The following GOLIM4 variants were observed in gnomAD, a reference collection of about 807,000 sequenced individuals.
The protein encoded by GOLIM4 is golgi integral membrane protein 4.
In GOLIM4, 71 loss-of-function variants were observed where a neutral mutation model predicts 107.4. The ratio of observed to expected loss-of-function variants is 0.66; its 90% CI spans 0.55 to 0.81. The LOEUF (loss-of-function observed/expected upper bound fraction) is 0.81, where lower values mean the gene tolerates loss of function less well. GOLIM4 is among the 30% of genes least tolerant of loss of function. The pLI, the probability that GOLIM4 is intolerant of heterozygous loss-of-function variation, is 0.00. For missense variants in GOLIM4, 830 were observed against 826.1 expected (o/e 1.00, Z -0.06); for synonymous variants, 327 against 294.8 (o/e 1.11, Z -1.12).
At chr3:168,077,187 T>A (rs1577570241) in intron 1 of GOLIM4, among the ~76,000 whole-genome samples, 1 of 152,246 alleles carries the variant, frequency 6.6e-6, no homozygotes, top group South Asian at 2.1e-4. Context: ...GAACTCATCA[T>A]GCCAAATTCT....
At chr3:168,011,286 G>A (rs945526098) in intron 14 of GOLIM4, among the ~76,000 whole-genome samples, 12 of 152,030 alleles carry the variant, frequency 7.9e-5, no homozygotes, top group African/African-American at 2.2e-4. Context: ...GGTGACGGAC[G>A]GCACCTGGAA....
At chr3:168,086,876 G>C (rs1721657589) in intron 1 of GOLIM4, among the ~76,000 whole-genome samples, 1 of 152,180 alleles carries the variant, frequency 6.6e-6, no homozygotes, top group South Asian at 2.1e-4. Context: ...TTCTCACAGA[G>C]AAGAGGGTCC....
chr3:168,068,175 A>G (rs1335570395), intron 1 of GOLIM4, among the ~76,000 whole-genome samples: 1 of 152,168 alleles, frequency 6.6e-6, no homozygotes, highest in Non-Finnish European at 1.5e-5. Context: ...CTACAGAATT[A>G]AAATAACTTT....
chr3:168,092,597 G>C (rs973164413), intron 1 of GOLIM4, among the ~76,000 whole-genome samples: 2 of 152,114 alleles, frequency 1.3e-5, no homozygotes, highest in South Asian at 4.1e-4. Context: ...TCTTTTTAAA[G>C]TCATTAATTC....
rs1470044252 is a variant in GOLIM4, at chr3:168,010,801, T to C, written c.1883A>G (p.Glu628Gly). 6.2e-7 allele frequency: 1 copy of C among 1,611,680 alleles called. No individual in the cohort carries two copies. The highest frequency in any genetic ancestry group is 1.7e-5 in the Admixed American group (1 of 60,002). The change falls in exon 15 of 16, where the codon GAG becomes GGG. Residue 628 changes from glutamate to glycine, a missense_variant. Transcript: ENST00000470487. ...EEEVQEDLTEEKKRELEHNAE... is the reference protein window; with the variant it reads ...EEEVQEDLTEGKKRELEHNAE... Reference sequence around the variant, plus strand: ...ATTATGCTCCAGTTCCCTTTTTTTCTCTTCAGTCAAATCTTCCTGAACCTA... The same window carrying C: ...ATTATGCTCCAGTTCCCTTTTTTTCCCTTCAGTCAAATCTTCCTGAACCTA...
chr3:168,036,694 C>T (rs1027765882), intron 8 of GOLIM4, 142 bp downstream of exon 8: 46 of 613,284 alleles, frequency 7.5e-5, no homozygotes, highest in East Asian at 1.0e-4. Flanking sequence ...TGTTTTATCA[C>T]GCCCTACTGG....
At position 168,040,846 on chromosome 3, in the gene GOLIM4, G is replaced by C; in HGVS notation, c.624C>G (p.Ser208=). 6.2e-7 allele frequency: 1 copy of C among 1,611,880 alleles called. No homozygotes were observed. Among genetic ancestry groups the C allele is most frequent in the Non-Finnish European group, 8.5e-7 (1 of 1,178,076 alleles). The change falls in exon 7 of 16, where the codon TCC becomes TCG. Residue 208 remains serine (S), a synonymous_variant. Transcript: ENST00000470487. The stretch of plus-strand genomic sequence containing the variant: ...AAGTCACTACAAGTTGTTCATGCTC[G>C]GAGAGTAAATTCTTATGCTGTTGCT... ...DVKQQHKNLL[S]EHEQLVVTLE... is the part of the protein sequence containing the mutation.
At position 168,079,671 on chromosome 3, in the gene GOLIM4, C is replaced by T. The variant is rs574027500; in HGVS notation, c.187+15428G>A. On this transcript the variant is annotated intron_variant, in intron 1 of 15. Transcript: ENST00000470487. ...TTGTTCAGGGTTTTAATCTTTTTAT[C>T]TTATCATTTAGATAACTAAAAATAC... 2.1e-3 allele frequency among the ~76,000 whole-genome samples: 316 copies of T among 152,032 alleles called. 2 individuals are homozygous for T. Among genetic ancestry groups the T allele is most frequent in the Non-Finnish European group, 3.6e-3 (245 of 67,972 alleles).
At chr3:168,058,808 C>CAT (rs1338963263) in intron 1 of GOLIM4, among the ~76,000 whole-genome samples, 4 of 152,010 alleles carry the variant, frequency 2.6e-5, no homozygotes, top group African/African-American at 9.7e-5. Context: ...AGTGTATATA[C>CAT]ATATATATTG....
intron 14 of GOLIM4, among the ~76,000 whole-genome samples, chr3:168,011,922 G>C (rs1717061339): frequency 1.4e-5 from 2 of 146,850 alleles, no homozygotes; most frequent in South Asian, 4.2e-4. Context: ...ACCAAAAGCA[G>C]ATAAAACCAC....
intron 14 of GOLIM4, among the ~76,000 whole-genome samples, chr3:168,022,905 T>C (rs1288534468): frequency 2.0e-5 from 3 of 152,152 alleles, no homozygotes; most frequent in African/African-American, 7.2e-5. Flanking sequence ...AGGGGATGAC[T>C]GGTGGGATGA....
intron 1 of GOLIM4, 54 bp downstream of exon 1, chr3:168,095,045 G>A: frequency 7.1e-7 from 1 of 1,415,566 alleles, no homozygotes; most frequent in South Asian, 1.2e-5. Flanking sequence ...TCCTGCCCGG[G>A]TGGAGGCGCG....
intron 14 of GOLIM4, 97 bp downstream of exon 14, chr3:168,024,429 T>C (rs1717882383): frequency 1.1e-6 from 1 of 927,302 alleles, no homozygotes; most frequent in Non-Finnish European, 1.8e-6. Context: ...AACATTTCTG[T>C]GGAAGGCATG....
intron 7 of GOLIM4, among the ~76,000 whole-genome samples, chr3:168,040,475 A>T (rs1326384729): frequency 2.0e-5 from 3 of 152,248 alleles, no homozygotes; most frequent in African/African-American, 7.2e-5. Flanking sequence ...GTCAACACAG[A>T]TCAGATAGTT....
At chr3:168,047,151 C>T (rs1719351509) in intron 2 of GOLIM4, 152 bp from the exon 3 acceptor site, 1 of 461,160 alleles carries the variant, frequency 2.2e-6, no homozygotes, top group South Asian at 4.2e-5. Context: ...TTTTGGCTCT[C>T]ATTGCTTTAG....
chr3:168,032,591 C>A lies in GOLIM4; in HGVS notation c.1105G>T (p.Asp369Tyr). The A allele has an allele frequency of 6.2e-7, 1 of 1,614,114 alleles. No individual in the cohort carries two copies. The highest frequency in any genetic ancestry group is 8.5e-7 in the Non-Finnish European group (1 of 1,180,016). The change falls in exon 9 of 16, where the codon GAT (aspartate) becomes TAT (tyrosine). Residue 369 changes from aspartate (D) to tyrosine (Y), a missense_variant. By Grantham distance (160) the Asp-to-Tyr change is radical. Transcript: ENST00000470487. The stretch of plus-strand genomic sequence containing the variant: ...TCATGCTGCTCTTTCCACTCCCGAT[C>A]CTGCTCCTCTGGTGATGGATCGTGT... ...EEHDPSPEEQ[D>Y]REWKEQHEQR... is the part of the protein sequence containing the mutation.
chr3:168,019,346 A>G (rs1309098073), intron 14 of GOLIM4, among the ~76,000 whole-genome samples: 7 of 152,210 alleles, frequency 4.6e-5, no homozygotes, highest in Non-Finnish European at 7.3e-5. Flanking sequence ...AATTCAAGAT[A>G]TGTAATTTTA....
intron 14 of GOLIM4, among the ~76,000 whole-genome samples, chr3:168,024,061 G>C (rs759594800): frequency 3.9e-5 from 6 of 152,264 alleles, no homozygotes; most frequent in Admixed American, 1.3e-4. Context: ...AGGCCAGAAG[G>C]AGAGACTGTA....
chr3:168,030,510 C>CAAAAAAAAAAAAAA (rs11411251), intron 9 of GOLIM4, among the ~76,000 whole-genome samples: 2 of 102,450 alleles, frequency 2.0e-5, no homozygotes, highest in African/African-American at 3.6e-5. Flanking sequence ...TAAGCATAGC[C>CAAAAAAAAAAAAAA]AAAAAAAAAA....
Sources: allele counts gnomAD v4.1 joint callset (sites outside exome capture counted in the v4.1 genomes callset), GRCh38; gene constraint gnomAD v4.1.1; transcripts MANE v1.5; gene names NCBI Gene and HGNC (gene_info 2026-07-23, HGNC 2026-07-21).